The following KLHL32 variants were observed in gnomAD, a reference collection of about 807,000 sequenced individuals.
The protein encoded by KLHL32 is kelch like family member 32.
In KLHL32, 35 loss-of-function variants were observed where a neutral mutation model predicts 64.8. The ratio of observed to expected loss-of-function variants is 0.54; its 90% CI spans 0.41 to 0.72. The LOEUF (loss-of-function observed/expected upper bound fraction) is 0.72. Ranked by LOEUF, KLHL32 falls within the 30% of genes least tolerant of loss-of-function variation. The probability of loss-of-function intolerance (pLI) is 0.00; values close to 1 mark genes in which losing one functional copy is unlikely to be tolerated. For missense variants in KLHL32, 589 were observed against 768.5 expected (o/e 0.77, Z 2.76); for synonymous variants, 259 against 281.0 (o/e 0.92, Z 0.78).
At chr6:97,043,243 G>A (rs186016263) in intron 4 of KLHL32, among the ~76,000 whole-genome samples, 47 of 152,136 alleles carry the variant, frequency 3.1e-4, no homozygotes, top group African/African-American at 1.0e-3. Flanking sequence ...CCTAGCCTTT[G>A]GTAACCATCA....
At chr6:96,913,381 A>G in the KLHL32 span, among the ~76,000 whole-genome samples, 1 of 152,174 alleles carries the variant, frequency 6.6e-6, no homozygotes, top group South Asian at 2.1e-4. Flanking sequence ...CAGCTTGACT[A>G]TTAGCAGCAC....
intron 3 of KLHL32, among the ~76,000 whole-genome samples, chr6:96,985,121 T>C (rs1776850414): frequency 6.6e-6 from 1 of 152,172 alleles, no homozygotes; most frequent in African/African-American, 2.4e-5. Context: ...TATTTCTCCT[T>C]CACTTATGAA....
chr6:96,941,431 G>C (rs1001776647), intron 1 of KLHL32, among the ~76,000 whole-genome samples: 2 of 152,126 alleles, frequency 1.3e-5, no homozygotes, highest in Admixed American at 1.3e-4. Context: ...TGAAAAACCT[G>C]TTGTTATTCC....
chr6:96,960,445 A>G (rs1346928975), intron 1 of KLHL32, among the ~76,000 whole-genome samples: 1 of 152,236 alleles, frequency 6.6e-6, no homozygotes, highest in Non-Finnish European at 1.5e-5. Context: ...ACTCATAACT[A>G]GGGGCTCCCA....
intron 3 of KLHL32, among the ~76,000 whole-genome samples, chr6:97,009,864 T>A (rs1461026427): frequency 1.3e-5 from 2 of 152,032 alleles, no homozygotes; most frequent in African/African-American, 2.4e-5. Flanking sequence ...TTTGAGACAC[T>A]ATAATTAAGG....
chr6:96,997,385 A>G (rs1340414601), intron 3 of KLHL32, among the ~76,000 whole-genome samples: 2 of 152,044 alleles, frequency 1.3e-5, no homozygotes, highest in Admixed American at 1.3e-4. Flanking sequence ...TTATCCCCTA[A>G]AACACCCACA....
intron 3 of KLHL32, among the ~76,000 whole-genome samples, chr6:96,990,901 G>A (rs1443301330): frequency 1.3e-5 from 2 of 152,096 alleles, no homozygotes; most frequent in African/African-American, 4.8e-5. Flanking sequence ...TTAGTCCAAG[G>A]GCAGCAAGGG....
intron 6 of KLHL32, among the ~76,000 whole-genome samples, chr6:97,093,491 T>A (rs1794553859): frequency 6.6e-6 from 1 of 152,188 alleles, no homozygotes; most frequent in Non-Finnish European, 1.5e-5. Context: ...ACCAACTCTT[T>A]AAGAAAACAG....
intron 3 of KLHL32, among the ~76,000 whole-genome samples, chr6:96,979,447 T>C (rs961320649): frequency 6.6e-6 from 1 of 152,206 alleles, no homozygotes; most frequent in Non-Finnish European, 1.5e-5. Flanking sequence ...CAGATGGTTG[T>C]AGGTGTGCAG....
chr6:97,094,418 A>G (rs1219086011), intron 6 of KLHL32, among the ~76,000 whole-genome samples: 4 of 152,208 alleles, frequency 2.6e-5, no homozygotes. Context: ...TTCTGCTACA[A>G]GGAAAAATAA....
chr6:97,136,452 C>A (rs1325491503), intron 10 of KLHL32, among the ~76,000 whole-genome samples: 1 of 152,176 alleles, frequency 6.6e-6, no homozygotes, highest in African/African-American at 2.4e-5. Flanking sequence ...TAGTAATAAA[C>A]AAACACTCAT....
chr6:97,023,852 A>G (rs961279336), intron 3 of KLHL32, among the ~76,000 whole-genome samples: 6 of 152,192 alleles, frequency 3.9e-5, no homozygotes, highest in African/African-American at 7.2e-5. Context: ...CTCTGGAGAT[A>G]TTAGAATCTG....
At chr6:97,130,560 T>C (rs374140046) in intron 8 of KLHL32, among the ~76,000 whole-genome samples, 197 bp from the exon 9 acceptor site, 2 of 152,194 alleles carry the variant, frequency 1.3e-5, no homozygotes, top group Admixed American at 6.5e-5. Flanking sequence ...GCAAAAACAA[T>C]TGGAATATGT....
chr6:97,036,775 G>A (rs571598152), intron 3 of KLHL32, among the ~76,000 whole-genome samples: 3 of 152,292 alleles, frequency 2.0e-5, no homozygotes, highest in African/African-American at 4.8e-5. Context: ...AAGCCGTACC[G>A]GGTGCAGGGT....
chr6:96,986,171 A>T (rs949173298), intron 3 of KLHL32, among the ~76,000 whole-genome samples: 48 of 152,150 alleles, frequency 3.2e-4, no homozygotes, highest in African/African-American at 9.7e-4. Context: ...TCACCAGTGG[A>T]GGCTGCAGAA....
In KLHL32 at chr6:96,955,735, G is replaced by A. The variant is rs1362711161; in HGVS notation, c.-65-11261G>A. Reference sequence around the variant, plus strand: ...GCAGATCATCTGAGGTCAGGAGTTCGAGACCAGCTAGGCCAACATGGTGAA... The same window carrying A: ...GCAGATCATCTGAGGTCAGGAGTTCAAGACCAGCTAGGCCAACATGGTGAA... On this transcript the variant is annotated intron_variant, in intron 1 of 10. Transcript: ENST00000369261. Among the ~76,000 whole-genome samples, 10 of 152,190 alleles carry A rather than the reference G, an allele frequency of 6.6e-5. 1 individual carries two copies. Among genetic ancestry groups the A allele is most frequent in the South Asian group, 6.2e-4 (3 of 4,810 alleles).
chr6:97,126,750 T>C (rs549012997), intron 7 of KLHL32, among the ~76,000 whole-genome samples: 3 of 152,316 alleles, frequency 2.0e-5, no homozygotes, highest in African/African-American at 7.2e-5. Flanking sequence ...ATATAAAATA[T>C]CTTAATAATT....
chr6:97,056,096 C>CTTTTTTTTTT (rs1193971196), intron 4 of KLHL32, among the ~76,000 whole-genome samples: 12 of 123,790 alleles, frequency 9.7e-5, no homozygotes, highest in East Asian at 7.1e-4. Flanking sequence ...CTTTTTTTTT[C>CTTTTTTTTTT]TTTTTTTTTC....
intron 6 of KLHL32, among the ~76,000 whole-genome samples, chr6:97,091,241 A>G (rs1176996595): frequency 6.6e-6 from 1 of 152,176 alleles, no homozygotes; most frequent in East Asian, 1.9e-4. Context: ...CGAAACAGAA[A>G]AAAGAGCATG....
Sources: gnomAD v4.1 joint callset for allele counts (sites outside exome capture counted in the v4.1 genomes callset) on GRCh38, gnomAD v4.1.1 for gene constraint, MANE v1.5 for transcripts, NCBI Gene and HGNC (gene_info 2026-07-23, HGNC 2026-07-21) for gene names.